Variants in XKR4 observed in about 807,000 individuals in gnomAD.
XKR4 encodes the protein XK-related protein 4.
Under a neutral mutation model 53.9 loss-of-function variants are expected in XKR4, and 12 were observed. The ratio of observed to expected loss-of-function variants is 0.22; its 90% CI spans 0.14 to 0.36. The LOEUF is 0.36. Among genes scored for constraint, XKR4 ranks in the 10% least tolerant of loss-of-function variants. The probability of loss-of-function intolerance (pLI) is 1.00; values close to 1 mark genes in which losing one functional copy is unlikely to be tolerated. For missense variants in XKR4, 799 were observed against 859.5 expected (o/e 0.93, Z 0.88); for synonymous variants, 354 against 362.4 (o/e 0.98, Z 0.26).
intron 1 of XKR4, among the ~76,000 whole-genome samples, chr8:55,109,322 C>T (rs1241439298): frequency 2.6e-5 from 4 of 152,182 alleles, no homozygotes; most frequent in Non-Finnish European, 5.9e-5. Flanking sequence ...TAACATGCTG[C>T]TCCAAACATA....
At chr8:55,520,546 A>T (rs957156772) in intron 2 of XKR4, among the ~76,000 whole-genome samples, 1 of 152,244 alleles carries the variant, frequency 6.6e-6, no homozygotes, top group African/African-American at 2.4e-5. Context: ...AGATCGTGCC[A>T]CTGCACTCCA....
At chr8:55,417,625 T>A (rs74996764) in intron 2 of XKR4, among the ~76,000 whole-genome samples, 1 of 152,220 alleles carries the variant, frequency 6.6e-6, no homozygotes, top group South Asian at 2.1e-4. Flanking sequence ...GCTGGATGTA[T>A]GTGAATCACA....
intron 1 of XKR4, among the ~76,000 whole-genome samples, chr8:55,300,013 A>T (rs1819164357): frequency 6.6e-6 from 1 of 152,088 alleles, no homozygotes; most frequent in South Asian, 2.1e-4. Context: ...ATGACTAAGG[A>T]CACAAGACTG....
chr8:55,224,720 A>G (rs1817929739), intron 1 of XKR4, among the ~76,000 whole-genome samples: 1 of 152,198 alleles, frequency 6.6e-6, no homozygotes, highest in Admixed American at 6.5e-5. Context: ...GTTATGTAGA[A>G]CTTCCTAAAC....
intron 1 of XKR4, among the ~76,000 whole-genome samples, chr8:55,207,802 G>A (rs1209019108): frequency 6.6e-6 from 1 of 152,062 alleles, no homozygotes; most frequent in Admixed American, 6.5e-5. Flanking sequence ...AATCAATTTG[G>A]GCCATGTGAT....
chr8:55,440,383 G>A (rs947462426), intron 2 of XKR4, among the ~76,000 whole-genome samples: 45 of 152,188 alleles, frequency 3.0e-4, no homozygotes, highest in African/African-American at 1.1e-3. Context: ...GTCTAATTTA[G>A]GGAGAGTTAG....
At chr8:55,503,816 A>T (rs1806481279) in intron 2 of XKR4, among the ~76,000 whole-genome samples, 1 of 152,140 alleles carries the variant, frequency 6.6e-6, no homozygotes, top group Non-Finnish European at 1.5e-5. Context: ...TTTACCATCA[A>T]GTATTTTTTT....
rs1804789837 is a variant in XKR4 at position 55,412,417 on chromosome 8, T to G, written c.1006+54540T>G. Among the ~76,000 whole-genome samples, 2 of 152,212 alleles carry G rather than the reference T, an allele frequency of 1.3e-5. 1 individual carries two copies. The highest frequency in any genetic ancestry group is 4.1e-4 in the South Asian group (2 of 4,832). The stretch of plus-strand genomic sequence containing the variant: ...AATATGGCTTTGCTTATTTAAATTT[T>G]TTTTAAAGCCAAAATCCTTGAAGTG... On this transcript the variant is annotated intron_variant, in intron 2 of 2. Coordinates refer to ENST00000327381, the MANE Select transcript of XKR4 (RefSeq NM_052898.2).
rs368978103 is a variant in XKR4 at position 55,417,722 on chromosome 8, A to G, written c.1006+59845A>G. Reference sequence around the variant, plus strand: ...TTTTTAGTTTCTGTTCAGAGGTATCATCATTATCTGTTAACCGCATAACGA... The same window carrying G: ...TTTTTAGTTTCTGTTCAGAGGTATCGTCATTATCTGTTAACCGCATAACGA... On this transcript the variant is annotated intron_variant, in intron 2 of 2. Transcript: ENST00000327381. 2.4e-3 allele frequency among the ~76,000 whole-genome samples: 373 copies of G among 152,342 alleles called. 1 individual carries two copies. Among genetic ancestry groups the G allele is most frequent in the Non-Finnish European group, 3.9e-3 (264 of 68,038 alleles).
chr8:55,235,559 GTTTGTT>G (rs2129367494), intron 1 of XKR4, among the ~76,000 whole-genome samples: 1 of 152,268 alleles, frequency 6.6e-6, no homozygotes, highest in South Asian at 2.1e-4. Flanking sequence ...ACATAAATAT[GTTTGTT>G]TTTATTTGGC....
At chr8:55,442,811 G>T (rs1013757957) in intron 2 of XKR4, among the ~76,000 whole-genome samples, 2 of 152,144 alleles carry the variant, frequency 1.3e-5, no homozygotes, top group African/African-American at 4.8e-5. Context: ...GGTTGCAATG[G>T]GCTAGAGAGA....
At chr8:55,333,509 A>G (rs2129381018) in intron 1 of XKR4, among the ~76,000 whole-genome samples, 1 of 152,152 alleles carries the variant, frequency 6.6e-6, no homozygotes, top group Admixed American at 6.5e-5. Context: ...TAAAAATCTT[A>G]ATTTCCCTAG....
intron 2 of XKR4, among the ~76,000 whole-genome samples, chr8:55,374,115 A>T (rs1350747748): frequency 6.6e-6 from 1 of 152,218 alleles, no homozygotes; most frequent in Non-Finnish European, 1.5e-5. Flanking sequence ...ATCCAGCTAC[A>T]CACCTCCCAA....
At chr8:55,125,261 G>T (rs139525285) in intron 1 of XKR4, among the ~76,000 whole-genome samples, 5 of 151,200 alleles carry the variant, frequency 3.3e-5, no homozygotes, top group Non-Finnish European at 7.4e-5. Context: ...ATGGAGTTTC[G>T]CCCTTGTCAC....
At chr8:55,239,258 C>A (rs550966512) in intron 1 of XKR4, among the ~76,000 whole-genome samples, 6 of 152,304 alleles carry the variant, frequency 3.9e-5, no homozygotes, top group Non-Finnish European at 5.9e-5. Flanking sequence ...ATTTGTGTCA[C>A]TTTATACATG....
At chr8:55,325,887 T>C (rs1188689265) in intron 1 of XKR4, among the ~76,000 whole-genome samples, 3 of 152,232 alleles carry the variant, frequency 2.0e-5, no homozygotes, top group Non-Finnish European at 4.4e-5. Flanking sequence ...GAAATTGATA[T>C]ATAGTTGAGG....
intron 1 of XKR4, among the ~76,000 whole-genome samples, chr8:55,141,671 CTGTGTGTGTGTGTGTG>C (rs370296200): frequency 5.2e-5 from 7 of 135,182 alleles, no homozygotes; most frequent in Admixed American, 7.6e-5. Flanking sequence ...CTCTCTCTCT[CTGTGTGTGTGTGTGTG>C]TGTCTCTCTC....
At chr8:55,489,072 T>A (rs1421942116) in intron 2 of XKR4, among the ~76,000 whole-genome samples, 1 of 152,164 alleles carries the variant, frequency 6.6e-6, no homozygotes, top group Non-Finnish European at 1.5e-5. Flanking sequence ...GGTGGATACA[T>A]GGCATTATAC....
In XKR4 at chr8:55,183,590, C is replaced by T. The variant is rs142371961; in HGVS notation, c.806+80296C>T. 4.6e-5 allele frequency among the ~76,000 whole-genome samples: 7 copies of T among 152,134 alleles called. No homozygotes were observed. The East Asian group carries it at 1.4e-3, about 29-fold the overall frequency. ...ATTTAGAGTTTAATCCCATTATGAC[C>T]TGAGAACATGCTTTGTATGATTTCT... On this transcript the variant is annotated intron_variant, in intron 1 of 2. Transcript: ENST00000327381.
Sources: gnomAD v4.1 joint callset for allele counts (sites outside exome capture counted in the v4.1 genomes callset) on GRCh38, gnomAD v4.1.1 for gene constraint, MANE v1.5 for transcripts, NCBI Gene and HGNC (gene_info 2026-07-23, HGNC 2026-07-21) for gene names.